LINGO2: variants seen among roughly 807,000 people sequenced by gnomAD.
The protein encoded by LINGO2 is leucine-rich repeat and immunoglobulin-like domain-containing nogo receptor-interacting protein 2.
In LINGO2, 14 loss-of-function variants were observed where a neutral mutation model predicts 30.6. The ratio of observed to expected loss-of-function variants is 0.46; its 90% CI spans 0.30 to 0.72. The LOEUF (loss-of-function observed/expected upper bound fraction) is 0.72, where lower values mean the gene tolerates loss of function less well. LINGO2 is among the 30% of genes least tolerant of loss of function. The pLI is 0.07. For synonymous variants in LINGO2, 317 were observed against 288.5 expected, an observed-to-expected ratio of 1.10 and a Z score of -1.00; for missense variants, 729 against 751.7, an observed-to-expected ratio of 0.97 and a Z score of 0.35.
chr9:29,029,235 G>A, the LINGO2 span, among the ~76,000 whole-genome samples: 1 of 152,140 alleles, frequency 6.6e-6, no homozygotes, highest in Middle Eastern at 3.4e-3. Context: ...AGATTTCCTA[G>A]GTTTAAAACC....
the LINGO2 span, among the ~76,000 whole-genome samples, chr9:28,831,766 T>C: frequency 1.3e-5 from 2 of 152,230 alleles, no homozygotes; most frequent in East Asian, 3.8e-4. Context: ...TAGTCATGGC[T>C]ATCTTTCCCC....
intron 2 of LINGO2, among the ~76,000 whole-genome samples, chr9:28,395,273 TAACTC>T (rs764755364): frequency 7.9e-5 from 12 of 151,542 alleles, no homozygotes; most frequent in Non-Finnish European, 1.6e-4. Context: ...ACGAAGGAGA[TAACTC>T]AAGTCGAAAA....
intron 4 of LINGO2, among the ~76,000 whole-genome samples, chr9:28,021,986 C>T (rs1823150477): frequency 1.3e-5 from 2 of 151,878 alleles, no homozygotes; most frequent in South Asian, 2.1e-4. Context: ...ATTGATAAAA[C>T]TGGATTAATA....
intron 4 of LINGO2, among the ~76,000 whole-genome samples, chr9:28,122,474 T>C (rs1827124112): frequency 6.6e-6 from 1 of 152,174 alleles, no homozygotes; most frequent in Non-Finnish European, 1.5e-5. Context: ...GTTTTGTCTA[T>C]AAGAAAATAG....
chr9:28,192,358 GAATT>G (rs1819853141), intron 4 of LINGO2, among the ~76,000 whole-genome samples: 1 of 151,974 alleles, frequency 6.6e-6, no homozygotes, highest in Admixed American at 6.6e-5. Flanking sequence ...AATGTTCACT[GAATT>G]AATTAATTTA....
the LINGO2 span, among the ~76,000 whole-genome samples, chr9:28,700,527 T>C: frequency 0.1 from 15,825 of 152,014 alleles, 1,057 homozygotes; most frequent in South Asian, 0.27. Flanking sequence ...TAATTATCCA[T>C]CCATACACTG....
downstream of LINGO2, among the ~76,000 whole-genome samples, chr9:27,947,851 A>G (rs1823427650): frequency 6.6e-6 from 1 of 152,222 alleles, no homozygotes; most frequent in Non-Finnish European, 1.5e-5. Context: ...ATATTATCCT[A>G]TGGTTATTTG....
At chr9:28,199,726 A>G (rs1313462638) in intron 4 of LINGO2, among the ~76,000 whole-genome samples, 2 of 152,148 alleles carry the variant, frequency 1.3e-5, no homozygotes, top group Non-Finnish European at 2.9e-5. Context: ...AGCTGAATTA[A>G]CATTTTTTCA....
the LINGO2 span, among the ~76,000 whole-genome samples, chr9:28,853,951 C>A: frequency 4.6e-5 from 7 of 151,924 alleles, no homozygotes; most frequent in Non-Finnish European, 5.9e-5. Context: ...AAAAAAAAAT[C>A]TATGTCTTCC....
chr9:28,182,657 A>T (rs1341571461), intron 4 of LINGO2, among the ~76,000 whole-genome samples: 1 of 152,236 alleles, frequency 6.6e-6, no homozygotes, highest in Non-Finnish European at 1.5e-5. Context: ...GGATATGAAC[A>T]GACACTTCTC....
chr9:29,030,397 C>T, the LINGO2 span, among the ~76,000 whole-genome samples: 1 of 152,024 alleles, frequency 6.6e-6, no homozygotes, highest in East Asian at 1.9e-4. Context: ...CCGGATTTCC[C>T]TAAAGTTAAT....
the LINGO2 span, among the ~76,000 whole-genome samples, chr9:28,691,768 TTG>T: frequency 6.6e-6 from 1 of 152,158 alleles, no homozygotes; most frequent in Non-Finnish European, 1.5e-5. Context: ...TTTTAAAAGC[TTG>T]TGTACTAATA....
chr9:28,190,601 G>T (rs1174450220), intron 4 of LINGO2, among the ~76,000 whole-genome samples: 2 of 152,228 alleles, frequency 1.3e-5, no homozygotes, highest in East Asian at 3.9e-4. Context: ...CACAAAGAGG[G>T]TCTGCACCAG....
the LINGO2 span, among the ~76,000 whole-genome samples, chr9:28,875,317 TTG>T: frequency 1.0e-3 from 157 of 152,178 alleles, 1 homozygote; most frequent in Non-Finnish European, 9.7e-4. Context: ...ATGTCTGGGT[TTG>T]TGTACGTCTA....
At chr9:28,868,696 C>T in the LINGO2 span, among the ~76,000 whole-genome samples, 1 of 152,084 alleles carries the variant, frequency 6.6e-6, no homozygotes. Context: ...CTTATTATTT[C>T]TCTCATTAAT....
chr9:28,745,920 C>T, the LINGO2 span, among the ~76,000 whole-genome samples: 28 of 152,028 alleles, frequency 1.8e-4, no homozygotes, highest in East Asian at 4.4e-3. Context: ...ATATAAAGAA[C>T]GTATTTCAAC....
At chr9:28,889,534 T>C in the LINGO2 span, among the ~76,000 whole-genome samples, 1 of 152,066 alleles carries the variant, frequency 6.6e-6, no homozygotes. Context: ...AAACAAAGAA[T>C]GGAAGTGTTT....
the LINGO2 span, among the ~76,000 whole-genome samples, chr9:29,173,750 T>C: frequency 2.6e-5 from 4 of 152,122 alleles, no homozygotes; most frequent in East Asian, 1.9e-4. Flanking sequence ...ACTACTTACA[T>C]AGATAAACCA....
chr9:28,923,077 C>A, the LINGO2 span, among the ~76,000 whole-genome samples: 2 of 152,302 alleles, frequency 1.3e-5, no homozygotes, highest in Middle Eastern at 3.4e-3. Context: ...GCACTAGAAA[C>A]TGAGAAATGA....
Sources: allele counts gnomAD v4.1 joint callset (sites outside exome capture counted in the v4.1 genomes callset), GRCh38; gene constraint gnomAD v4.1.1; transcripts MANE v1.5; gene names NCBI Gene and HGNC (gene_info 2026-07-23, HGNC 2026-07-21).